The following FLT1 variants were observed in gnomAD, a reference collection of about 807,000 sequenced individuals.
FLT1 encodes fms related receptor tyrosine kinase 1.
FLT1 carries 49 observed loss-of-function variants against 156.3 expected under a neutral mutation model. The observed-to-expected ratio is 0.31, with a 90% CI of 0.25 to 0.40. The LOEUF is 0.40. Ranked by LOEUF, FLT1 falls within the 10% of genes least tolerant of loss-of-function variation. The probability of loss-of-function intolerance (pLI) is 1.00; values close to 1 mark genes in which losing one functional copy is unlikely to be tolerated. For synonymous variants in FLT1, 594 were observed against 583.8 expected (o/e 1.02, Z -0.25); for missense variants, 1,322 against 1,637.2 (o/e 0.81, Z 3.32).
chr13:28,408,010 A>G (rs1008608988), intron 10 of FLT1, among the ~76,000 whole-genome samples: 6 of 152,210 alleles, frequency 3.9e-5, no homozygotes, highest in African/African-American at 1.2e-4. Flanking sequence ...GCACATATAC[A>G]CATGTGTATA....
At chr13:28,465,335 AC>A (rs1200056528) in intron 3 of FLT1, among the ~76,000 whole-genome samples, 3 of 151,970 alleles carry the variant, frequency 2.0e-5, no homozygotes, top group Non-Finnish European at 4.4e-5. Flanking sequence ...ACAGTTATCT[AC>A]CCCCTGGACA....
chr13:28,423,991 C>A (rs1468194464), intron 10 of FLT1, among the ~76,000 whole-genome samples: 1 of 151,954 alleles, frequency 6.6e-6, no homozygotes, highest in Non-Finnish European at 1.5e-5. Flanking sequence ...GCTCTTGTTG[C>A]CCAGGCTGGA....
intron 17 of FLT1, among the ~76,000 whole-genome samples, chr13:28,334,438 GT>G (rs1317301044): frequency 6.6e-6 from 1 of 152,186 alleles, no homozygotes; most frequent in East Asian, 1.9e-4. Context: ...GTCCCGTGTA[GT>G]TTCTTCCATT....
Position 28,334,115 on chromosome 13 carries a change from T to A in FLT1, c.2503A>T (p.Arg835Ter). 1 of 1,611,978 alleles carries A rather than the reference T, an allele frequency of 6.2e-7. No homozygotes were observed. Among genetic ancestry groups the A allele is most frequent in the Admixed American group, 1.7e-5 (1 of 60,016 alleles). ...TGAACCACTTTTCCAAAAGCCCCTC[T>A]TCCAAGTGATTTGCCTGTAATGAAG... ...ERLKLGKSLG[R>*]GAFGKVVQAS... Residue 835 changes from arginine (R) to a stop codon, truncating the protein, a stop_gained, in exon 18 of 30, where the codon AGA (arginine) becomes TGA (stop). Coordinates refer to ENST00000282397, the MANE Select transcript of FLT1 (RefSeq NM_002019.4). LOFTEE classifies it high-confidence loss of function.
intron 15 of FLT1, among the ~76,000 whole-genome samples, chr13:28,352,628 G>A (rs1267249101): frequency 6.6e-6 from 1 of 152,144 alleles, no homozygotes; most frequent in Non-Finnish European, 1.5e-5. Flanking sequence ...TGAAGTATAG[G>A]CATGTGTATC....
Position 28,438,354 on chromosome 13 carries a change from G to A in FLT1, c.389-9C>T, listed in dbSNP as rs1332267025. 6.2e-7 allele frequency: 1 copy of A among 1,601,658 alleles called. No homozygotes were observed. Among genetic ancestry groups the A allele is most frequent in the Admixed American group, 1.7e-5 (1 of 59,946 alleles). On this transcript the variant is annotated splice_polypyrimidine_tract_variant and intron_variant, in intron 3 of 29. Coordinates refer to ENST00000282397, the MANE Select transcript of FLT1 (RefSeq NM_002019.4). Reference sequence around the variant, plus strand: ...GAAAGGTCTACCTGTATCTGAATGAGAAGAAAATGAAAAAAATATATACAT... The same window carrying A: ...GAAAGGTCTACCTGTATCTGAATGAAAAGAAAATGAAAAAAATATATACAT...
rs547885128 is a variant in FLT1 at position 28,387,539 on chromosome 13, G to A, written c.1969+2257C>T. The A allele has an allele frequency of 5.6e-6, 6 of 1,062,728 alleles. No individual in the cohort carries two copies. In the South Asian group the frequency reaches 1.8e-4, roughly 32 times the overall value. The allele number at this position is 1,062,728 out of a possible 1,614,324, so 65.8% of individuals were successfully genotyped here. A position where few individuals can be genotyped will look rare whatever the true frequency, so the allele number is the denominator to read the frequency against. On this transcript the variant is annotated intron_variant, in intron 13 of 29. Transcript: ENST00000282397. ...TGCTGGTTATCAGTAGCCAAAGATA[G>A]CTGCCCACCAGGTTCTTTCACTTTT...
chr13:28,321,341 C>T, intron 23 of FLT1, 122 bp downstream of exon 23: 2 of 1,248,556 alleles, frequency 1.6e-6, no homozygotes, highest in Non-Finnish European at 2.3e-6. Flanking sequence ...GACTGTTTGT[C>T]TTCACAGAAA....
rs41291686 is a variant in FLT1, at chr13:28,322,907, C to T, written c.2836G>A (p.Glu946Lys). 2.7e-5 allele frequency: 43 copies of T among 1,614,142 alleles called. No homozygotes were observed. Among genetic ancestry groups the T allele is most frequent in the Non-Finnish European group, 3.6e-5 (43 of 1,180,038 alleles). The part of the protein sequence containing the change: ...LHMEPKKEKM[E>K]PGLEQGKKPR... ...TTCTTGCCTTGTTCCAGGCCTGGCT[C>T]CATTTTTTCTTTCTTAGGCTCCATG... Residue 946 changes from glutamate to lysine, a missense_variant, in exon 21 of 30, where the codon GAG (glutamate) becomes AAG (lysine). This residue lies in a region of FLT1 where 991 missense variants were observed against 1,254.8 expected (regional missense o/e 0.79). Transcript: ENST00000282397. The surrounding 1 kb of genome is among the most constrained non-coding windows in gnomAD (Gnocchi z 4.3).
At chr13:28,372,566 GTATATATATATATATATATATA>G (rs57608920) in intron 14 of FLT1, among the ~76,000 whole-genome samples, 27 of 91,458 alleles carry the variant, frequency 3.0e-4, no homozygotes, top group East Asian at 4.6e-4. Context: ...TAAATAAAAT[GTATATATATATATATATATATA>G]TATATATATA....
chr13:28,396,453 T>C (rs11842997), intron 12 of FLT1, among the ~76,000 whole-genome samples: 2,876 of 152,312 alleles, frequency 0.019, 104 homozygotes, highest in African/African-American at 0.065. Context: ...AATTCTTAAA[T>C]GCTATCAAAA....
intron 14 of FLT1, among the ~76,000 whole-genome samples, chr13:28,371,991 T>A (rs1328996131): frequency 6.7e-6 from 1 of 148,350 alleles, no homozygotes; most frequent in Non-Finnish European, 1.5e-5. Flanking sequence ...TGACTGTCAG[T>A]GAATATCTAT....
At chr13:28,408,912 T>A (rs1048457022) in intron 10 of FLT1, among the ~76,000 whole-genome samples, 8 of 152,180 alleles carry the variant, frequency 5.3e-5, no homozygotes. Context: ...AAAAAAATTA[T>A]GGGCTAAGAG....
At chr13:28,376,622 T>C (rs540417985) in intron 14 of FLT1, among the ~76,000 whole-genome samples, 1 of 152,320 alleles carries the variant, frequency 6.6e-6, no homozygotes, top group South Asian at 2.1e-4. Flanking sequence ...CTAAACTAGA[T>C]AGGCCTTCTG....
intron 10 of FLT1, among the ~76,000 whole-genome samples, chr13:28,412,340 T>TTC (rs1211390394): frequency 0.015 from 1,196 of 78,308 alleles, 61 homozygotes; most frequent in East Asian, 0.072. Context: ...TTTTCTTTCT[T>TTC]TCTTTCTTTC....
At chr13:28,482,284 C>G (rs576582590) in intron 1 of FLT1, among the ~76,000 whole-genome samples, 1 of 151,956 alleles carries the variant, frequency 6.6e-6, no homozygotes, top group Non-Finnish European at 1.5e-5. Flanking sequence ...ACTAAAAATA[C>G]AATATTAGCC....
chr13:28,405,034 A>AAAG (rs1555235547), intron 11 of FLT1, among the ~76,000 whole-genome samples: 12 of 149,054 alleles, frequency 8.1e-5, no homozygotes, highest in Non-Finnish European at 1.6e-4. Context: ...AAAAAAAAAA[A>AAAG]AAGAAAAGAA....
At chr13:28,421,850 G>A (rs935520754) in intron 10 of FLT1, among the ~76,000 whole-genome samples, 5 of 152,280 alleles carry the variant, frequency 3.3e-5, no homozygotes, top group South Asian at 4.1e-4. Flanking sequence ...GGGGAAGCAC[G>A]ACCATTGCCA....
chr13:28,438,156 G>A (rs981928530), intron 4 of FLT1, 65 bp downstream of exon 4: 16 of 1,517,126 alleles, frequency 1.1e-5, no homozygotes, highest in East Asian at 2.3e-5. Context: ...AAGATAGAAC[G>A]AGTAAAACTT....
Sources: gnomAD v4.1 joint callset for allele counts (sites outside exome capture counted in the v4.1 genomes callset) on GRCh38, gnomAD v4.1.1 for gene constraint, gnomAD v4.1.1 regional missense constraint, Gnocchi (gnomAD v3.1) non-coding constraint, MANE v1.5 for transcripts, NCBI Gene and HGNC (gene_info 2026-07-23, HGNC 2026-07-21) for gene names.